The following PRKCE variants were observed in gnomAD, a reference collection of about 807,000 sequenced individuals.
PRKCE encodes protein kinase C epsilon type.
A neutral mutation model predicts 85.4 loss-of-function variants in PRKCE; 16 were observed. The observed-to-expected ratio is 0.19, with a 90% CI of 0.13 to 0.28. The LOEUF is 0.28. Among genes scored for constraint, PRKCE ranks in the 10% least tolerant of loss-of-function variants. The probability of loss-of-function intolerance (pLI) is 1.00; values close to 1 mark genes in which losing one functional copy is unlikely to be tolerated. For synonymous variants in PRKCE, 388 were observed against 371.5 expected (o/e 1.04, Z -0.51); for missense variants, 573 against 975.2 (o/e 0.59, Z 5.49).
intron 1 of PRKCE, among the ~76,000 whole-genome samples, chr2:45,670,278 G>A (rs1265711995): frequency 6.6e-6 from 1 of 152,086 alleles, no homozygotes; most frequent in Non-Finnish European, 1.5e-5. Flanking sequence ...TTTTTGTATA[G>A]GCTCCATTTT....
intron 2 of PRKCE, among the ~76,000 whole-genome samples, chr2:45,929,549 G>A (rs143458621): frequency 1.5e-4 from 23 of 152,158 alleles, no homozygotes; most frequent in African/African-American, 5.5e-4. Context: ...CTAGGTGGGT[G>A]GCTGGGTGTT....
intron 6 of PRKCE, among the ~76,000 whole-genome samples, chr2:45,984,903 G>A (rs535824854): frequency 6.6e-6 from 1 of 152,284 alleles, no homozygotes; most frequent in Admixed American, 6.5e-5. Flanking sequence ...GAAGGAGGAG[G>A]GCGGACTCCA....
intron 1 of PRKCE, chr2:45,675,672 T>C (rs1266185418): frequency 2.0e-5 from 3 of 152,190 alleles, no homozygotes; most frequent in African/African-American, 7.2e-5. Context: ...GGCTGGGTTA[T>C]CTTTAATCAC....
At chr2:45,926,911 G>T (rs1056831272) in intron 2 of PRKCE, among the ~76,000 whole-genome samples, 2 of 152,084 alleles carry the variant, frequency 1.3e-5, no homozygotes, top group African/African-American at 4.8e-5. Flanking sequence ...ATGAACATGT[G>T]TGAGTGTGGA....
chr2:45,919,128 A>C (rs1247676825), intron 2 of PRKCE, among the ~76,000 whole-genome samples: 1 of 152,238 alleles, frequency 6.6e-6, no homozygotes, highest in Non-Finnish European at 1.5e-5. Context: ...AATTTAATTG[A>C]AAACAAGACA....
rs925640016 is a variant in PRKCE, at chr2:46,138,722, G to C, written c.1593-6371G>C. 1.3e-5 allele frequency among the ~76,000 whole-genome samples: 2 copies of C among 152,182 alleles called. No individual in the cohort carries two copies. The highest frequency in any genetic ancestry group is 6.5e-5 in the Admixed American group (1 of 15,274). On this transcript the variant is annotated intron_variant, in intron 11 of 14. Transcript: ENST00000306156. This position sits in a 1 kb window ranked among gnomAD's most constrained non-coding sequence, Gnocchi z 4.2. Reference sequence around the variant, plus strand: ...CACAGTTGGTTGTCACAGCTGGAGAGGGGGCATACTAATAGCACCTAATGC... The same window carrying C: ...CACAGTTGGTTGTCACAGCTGGAGACGGGGCATACTAATAGCACCTAATGC...
chr2:45,893,292 A>T lies in PRKCE; in HGVS notation c.412+50229A>T, dbSNP rs1025414184. Among the ~76,000 whole-genome samples the T allele has an allele frequency of 1.6e-4, 24 of 151,818 alleles. 1 individual carries two copies. Among genetic ancestry groups the T allele is most frequent in the African/African-American group, 5.8e-4 (24 of 41,370 alleles). On this transcript the variant is annotated intron_variant, in intron 2 of 14. Coordinates refer to ENST00000306156, the MANE Select transcript of PRKCE (RefSeq NM_005400.3). ...GTCAATGTGATGGACTCACAGGGAG[A>T]GGCTGTTCCTCAGGATCATCTCCCA... is the stretch of plus-strand genomic sequence containing the variant.
intron 2 of PRKCE, among the ~76,000 whole-genome samples, chr2:45,927,865 T>G (rs986311441): frequency 1.3e-5 from 2 of 151,912 alleles, no homozygotes; most frequent in African/African-American, 4.8e-5. Flanking sequence ...GTCTTTGAGA[T>G]ACCCAAGGCT....
At chr2:45,930,642 G>T (rs1698975096) in intron 2 of PRKCE, among the ~76,000 whole-genome samples, 1 of 152,186 alleles carries the variant, frequency 6.6e-6, no homozygotes, top group Non-Finnish European at 1.5e-5. Context: ...CCTCATGACT[G>T]GGAACAGAGC....
chr2:45,728,559 C>T (rs889462173), intron 1 of PRKCE, among the ~76,000 whole-genome samples: 1 of 152,134 alleles, frequency 6.6e-6, no homozygotes, highest in African/African-American at 2.4e-5. Flanking sequence ...GTAATGCCCA[C>T]GTGCCGCTGG....
At chr2:46,000,513 C>G (rs1704587974) in intron 6 of PRKCE, among the ~76,000 whole-genome samples, 1 of 151,864 alleles carries the variant, frequency 6.6e-6, no homozygotes, top group Non-Finnish European at 1.5e-5. Flanking sequence ...AAGAGAAGCC[C>G]TCGTTAAGAA....
chr2:45,931,317 C>T (rs1419541115), intron 2 of PRKCE, among the ~76,000 whole-genome samples: 1 of 152,160 alleles, frequency 6.6e-6, no homozygotes, highest in Non-Finnish European at 1.5e-5. Context: ...AGAAACCATC[C>T]CAGAGTTCCT....
At chr2:46,151,600 T>A (rs1482790395) in intron 13 of PRKCE, among the ~76,000 whole-genome samples, 1 of 142,246 alleles carries the variant, frequency 7.0e-6, no homozygotes, top group Non-Finnish European at 1.5e-5. Context: ...GCCACTTCCA[T>A]ACCTTCCTTA....
intron 1 of PRKCE, among the ~76,000 whole-genome samples, chr2:45,825,549 C>T (rs1417107180): frequency 6.6e-6 from 1 of 152,144 alleles, no homozygotes; most frequent in Non-Finnish European, 1.5e-5. Context: ...ACAGTTAGTT[C>T]AGTGGTGCAT....
At chr2:45,712,214 C>G (rs1679716850) in intron 1 of PRKCE, among the ~76,000 whole-genome samples, 1 of 121,536 alleles carries the variant, frequency 8.2e-6, no homozygotes, top group Non-Finnish European at 1.6e-5. Flanking sequence ...GTGGTGCAAT[C>G]TCGGCTTACT....
intron 11 of PRKCE, among the ~76,000 whole-genome samples, chr2:46,125,406 T>G (rs906331064): frequency 1.8e-4 from 28 of 152,326 alleles, no homozygotes; most frequent in African/African-American, 6.5e-4. Flanking sequence ...GTGACTGGAT[T>G]TAAAATAAAA....
Position 45,697,650 on chromosome 2 carries a change from A to G in PRKCE, c.348+45202A>G, listed in dbSNP as rs1027363112. 6.6e-6 allele frequency among the ~76,000 whole-genome samples: 1 copy of G among 152,068 alleles called. No homozygotes were observed. Among genetic ancestry groups the G allele is most frequent in the Admixed American group, 6.5e-5 (1 of 15,274 alleles). ...CCTAGGTGACATCCCTGCAGGTGCC[A>G]TCTTCACCTGAAGGCCCTTGGCTCC... is the stretch of plus-strand genomic sequence containing the variant. On this transcript the variant is annotated intron_variant, in intron 1 of 14. Coordinates refer to ENST00000306156, the MANE Select transcript of PRKCE (RefSeq NM_005400.3). This position sits in a 1 kb window ranked among gnomAD's most constrained non-coding sequence, Gnocchi z 4.2.
chr2:46,056,607 T>A (rs1309592878), intron 10 of PRKCE, among the ~76,000 whole-genome samples: 1 of 152,228 alleles, frequency 6.6e-6, no homozygotes, highest in Admixed American at 6.5e-5. Context: ...CTTTTCCTCT[T>A]GAATGTCTTT....
intron 10 of PRKCE, among the ~76,000 whole-genome samples, chr2:46,081,026 G>T (rs371642388): frequency 6.6e-6 from 1 of 151,680 alleles, no homozygotes; most frequent in Non-Finnish European, 1.5e-5. Flanking sequence ...GGGTTTCACC[G>T]TGTTGCCCAG....
Sources: gnomAD v4.1 joint callset for allele counts (sites outside exome capture counted in the v4.1 genomes callset) on GRCh38, gnomAD v4.1.1 for gene constraint, Gnocchi (gnomAD v3.1) non-coding constraint, MANE v1.5 for transcripts, NCBI Gene and HGNC (gene_info 2026-07-23, HGNC 2026-07-21) for gene names.